The following STAB2 variants were observed in gnomAD, a reference collection of about 807,000 sequenced individuals.
STAB2 encodes the protein stabilin 2.
A neutral mutation model predicts 338.1 loss-of-function variants in STAB2; 288 were observed. The observed-to-expected ratio is 0.85, with a 90% confidence interval of 0.77 to 0.94. The LOEUF is 0.94. STAB2 is among the 40% of genes least tolerant of loss of function. The pLI is 0.00. For synonymous variants in STAB2, 1,202 were observed against 1,193.3 expected, an observed-to-expected ratio of 1.01 and a Z score of -0.15; for missense variants, 3,141 against 3,210.1, an observed-to-expected ratio of 0.98 and a Z score of 0.52.
chr12:103,735,319 G>A (rs1026999041), intron 51 of STAB2, among the ~76,000 whole-genome samples, 172 bp from the exon 52 acceptor site: 1 of 152,222 alleles, frequency 6.6e-6, no homozygotes, highest in African/African-American at 2.4e-5. Flanking sequence ...ACCTCCCAGA[G>A]AGCCCCGATT....
At chr12:103,628,075 C>T (rs1488248640) in intron 5 of STAB2, among the ~76,000 whole-genome samples, 2 of 152,222 alleles carry the variant, frequency 1.3e-5, no homozygotes, top group Non-Finnish European at 2.9e-5. Flanking sequence ...AACTTGACTG[C>T]TCTCCAGAAC....
At chr12:103,597,830 A>G (rs1264305840) in intron 3 of STAB2, among the ~76,000 whole-genome samples, 3 of 152,220 alleles carry the variant, frequency 2.0e-5, no homozygotes, top group African/African-American at 7.2e-5. Flanking sequence ...TAACAACTCA[A>G]AGTAATGGAA....
At chr12:103,670,901 C>T (rs1875719667) in intron 22 of STAB2, 94 bp downstream of exon 22, 1 of 1,014,634 alleles carries the variant, frequency 9.9e-7, no homozygotes, top group Admixed American at 2.0e-5. Flanking sequence ...GTCTCAGGAC[C>T]CCTTTGCTTG....
intron 67 of STAB2, 36 bp from the exon 68 acceptor site, chr12:103,763,456 G>A (rs1057892): frequency 4.4e-6 from 7 of 1,598,770 alleles, no homozygotes; most frequent in Non-Finnish European, 6.0e-6. Flanking sequence ...CTGCTTTGGG[G>A]ATGCTCCTGG....
intron 5 of STAB2, among the ~76,000 whole-genome samples, chr12:103,626,792 T>C (rs901181816): frequency 3.3e-5 from 5 of 152,214 alleles, no homozygotes; most frequent in African/African-American, 9.6e-5. Context: ...TAACACTGGC[T>C]GTAATCTTCT....
intron 25 of STAB2, among the ~76,000 whole-genome samples, chr12:103,680,038 T>C (rs1158214690): frequency 6.6e-6 from 1 of 152,116 alleles, no homozygotes; most frequent in Non-Finnish European, 1.5e-5. Flanking sequence ...GAAGGACAAA[T>C]ACTGTGTGAT....
At chr12:103,746,377 A>G (rs1159337309) in intron 57 of STAB2, 6 of 435,906 alleles carry the variant, frequency 1.4e-5, no homozygotes, top group Middle Eastern at 5.9e-4. Flanking sequence ...ATAAATCTCA[A>G]TGACATTGCA....
At chr12:103,725,965 G>A (rs12300983) in intron 45 of STAB2, 151 bp from the exon 46 acceptor site, 35,176 of 640,730 alleles carry the variant, frequency 0.055, 1,556 homozygotes, top group African/African-American at 0.17. Flanking sequence ...CATTCTGAAC[G>A]TTAATTGTCA....
chr12:103,595,659 A>G (rs1956864620), intron 3 of STAB2, among the ~76,000 whole-genome samples: 1 of 152,208 alleles, frequency 6.6e-6, no homozygotes, highest in Non-Finnish European at 1.5e-5. Flanking sequence ...TTATATTACC[A>G]GATGTAATTT....
At chr12:103,751,195 A>C (rs1194694073) in intron 60 of STAB2, among the ~76,000 whole-genome samples, 2 of 152,134 alleles carry the variant, frequency 1.3e-5, no homozygotes, top group African/African-American at 4.8e-5. Flanking sequence ...GGTTTGTTTG[A>C]CAGATGTGGT....
chr12:103,652,390 TA>T (rs1458253507), intron 11 of STAB2, among the ~76,000 whole-genome samples, 165 bp from the exon 12 acceptor site: 2 of 152,226 alleles, frequency 1.3e-5, no homozygotes, highest in Non-Finnish European at 2.9e-5. Flanking sequence ...TGGTAATGTA[TA>T]GCAAGTATAA....
At chr12:103,608,589 C>A (rs1189177447) in intron 3 of STAB2, among the ~76,000 whole-genome samples, 1 of 152,160 alleles carries the variant, frequency 6.6e-6, no homozygotes, top group Admixed American at 6.5e-5. Flanking sequence ...GATATTAGCC[C>A]TTTGTCAGAT....
intron 43 of STAB2, 110 bp downstream of exon 43, chr12:103,715,998 C>A (rs1240482402): frequency 8.6e-7 from 1 of 1,159,194 alleles, no homozygotes; most frequent in Non-Finnish European, 1.2e-6. Context: ...AGAGCTGCAG[C>A]TGAAAATAAA....
chr12:103,695,427 G>A lies in STAB2; in HGVS notation c.3376-123G>A, dbSNP rs1299317470. ...TTTATACTGTGAGTAATCTTCAAAA[G>A]GTTGTCAATGTCAATCCATTGAACT... is the stretch of plus-strand genomic sequence containing the variant. On this transcript the variant is annotated intron_variant, in intron 31 of 68. Transcript: ENST00000388887. 6 of 794,510 alleles carry A rather than the reference G, an allele frequency of 7.6e-6. No individual in the cohort carries two copies. The Admixed American group carries it at 1.1e-4, about 14-fold the overall frequency. 49.2% of individuals were successfully genotyped at this position (794,510 alleles called of 1,614,324 possible).
intron 3 of STAB2, among the ~76,000 whole-genome samples, chr12:103,608,009 T>A (rs1462929968): frequency 6.6e-6 from 1 of 152,218 alleles, no homozygotes; most frequent in East Asian, 1.9e-4. Context: ...ACCAACTGTG[T>A]AAAAATGTTC....
rs1339043804 is a variant in STAB2, at chr12:103,695,653, G to A, written c.3474+5G>A. On this transcript the variant is annotated splice_donor_5th_base_variant and intron_variant, in intron 32 of 68. Coordinates refer to ENST00000388887, the MANE Select transcript of STAB2 (RefSeq NM_017564.10). ...ATCTTCCGGGGCTACATCATTGCAAGTACCACATTCTCTGCCTGACCACCA... is the reference window on the plus strand; with the variant it reads ...ATCTTCCGGGGCTACATCATTGCAAATACCACATTCTCTGCCTGACCACCA... The A allele has an allele frequency of 1.2e-6, 2 of 1,614,154 alleles. No individual in the cohort carries two copies. Among genetic ancestry groups the A allele is most frequent in the South Asian group, 1.1e-5 (1 of 91,078 alleles).
At chr12:103,741,089 T>C (rs1369467674) in intron 55 of STAB2, among the ~76,000 whole-genome samples, 1 of 152,154 alleles carries the variant, frequency 6.6e-6, no homozygotes, top group African/African-American at 2.4e-5. Flanking sequence ...TAAGCATGTT[T>C]AAAGACTTTG....
intron 26 of STAB2, 149 bp from the exon 27 acceptor site, chr12:103,684,840 C>A (rs1054278393): frequency 3.6e-6 from 2 of 559,860 alleles, no homozygotes; most frequent in Non-Finnish European, 6.3e-6. Flanking sequence ...ACTTTCACTG[C>A]AACACTAAAG....
At chr12:103,638,866 TGTGTCCATACAGAAGG>T (rs2138689752) in intron 8 of STAB2, among the ~76,000 whole-genome samples, 1 of 152,270 alleles carries the variant, frequency 6.6e-6, no homozygotes, top group South Asian at 2.1e-4. Flanking sequence ...GTGAAGGAAA[TGTGTCCATACAGAAGG>T]GTATTGCTGC....
Sources: gnomAD v4.1 joint callset for allele counts (sites outside exome capture counted in the v4.1 genomes callset) on GRCh38, gnomAD v4.1.1 for gene constraint, MANE v1.5 for transcripts, NCBI Gene and HGNC (gene_info 2026-07-23, HGNC 2026-07-21) for gene names.